TBCB: variants seen among roughly 807,000 people sequenced by gnomAD.
TBCB encodes tubulin folding cofactor B, also known as tubulin-folding cofactor B.
Under a neutral mutation model 29.2 loss-of-function variants are expected in TBCB, and 18 were observed. The observed-to-expected ratio is 0.62, with a 90% confidence interval of 0.43 to 0.91. The LOEUF is 0.91. TBCB is among the 40% of genes least tolerant of loss of function. The pLI is 0.00. For missense variants in TBCB, 336 were observed against 337.6 expected, an observed-to-expected ratio of 1.00 and a Z score of 0.04; for synonymous variants, 172 against 137.8, an observed-to-expected ratio of 1.25 and a Z score of -1.74.
At chr19:36,117,768 A>T (rs948571955) in intron 2 of TBCB, 4 of 151,436 alleles carry the variant, frequency 2.6e-5, no homozygotes, top group East Asian at 3.9e-4. Context: ...TTATTTATTT[A>T]TTTTTTATTT....
intron 3 of TBCB, 54 bp downstream of exon 3, chr19:36,120,860 G>T: frequency 6.4e-7 from 1 of 1,573,184 alleles, no homozygotes; most frequent in Non-Finnish European, 8.7e-7. Context: ...AGTATGTGCA[G>T]GTATGAGGGC....
Position 36,116,107 on chromosome 19 carries a change from G to A in TBCB, c.181G>A (p.Asp61Asn), listed in dbSNP as rs370138891. ...CMELELYGVDDKFYSKLDQED... is the reference protein window; with the variant it reads ...CMELELYGVDNKFYSKLDQED... ...GGAACTGGAGCTGTATGGAGTTGAC[G>A]ACAAGTTCTACAGCAAGCTGGATCA... Residue 61 changes from aspartate to asparagine, a missense_variant, in exon 2 of 6, where the codon GAC (aspartate) becomes AAC (asparagine). By Grantham distance (23) the Asp-to-Asn change is conservative. Transcript: ENST00000221855. The A allele has an allele frequency of 6.8e-6, 11 of 1,614,028 alleles. No individual in the cohort carries two copies. The highest frequency in any genetic ancestry group is 2.7e-5 in the African/African-American group (2 of 74,910).
chr19:36,119,749 C>T (rs546206464), intron 2 of TBCB, among the ~76,000 whole-genome samples: 49 of 152,138 alleles, frequency 3.2e-4, no homozygotes, highest in African/African-American at 8.4e-4. Flanking sequence ...AAAAATTAGC[C>T]GGGTGTGGTG....
rs1211671121 is a variant in TBCB, at chr19:36,115,529, C to G, written c.-32C>G. The G allele has an allele frequency of 1.9e-6, 3 of 1,542,176 alleles. No homozygotes were observed. Among genetic ancestry groups the G allele is most frequent in the Non-Finnish European group, 2.6e-6 (3 of 1,135,074 alleles). ...GCGGAGCGGGTGTGAGGCGGCTGGA[C>G]CGCGCTGCAGGCATCCGCAGGGCGC... On this transcript the variant is annotated 5_prime_UTR_variant, in exon 1 of 6. Coordinates refer to ENST00000221855, the MANE Select transcript of TBCB (RefSeq NM_001281.3).
In TBCB at chr19:36,115,480, G is replaced by C; in HGVS notation, c.-81G>C. The C allele has an allele frequency of 1.8e-6, 2 of 1,084,122 alleles. No homozygotes were observed. Among genetic ancestry groups the C allele is most frequent in the Non-Finnish European group, 2.7e-6 (2 of 736,868 alleles). 67.2% of individuals were successfully genotyped at this position (1,084,122 alleles called of 1,614,324 possible). A position where few individuals can be genotyped will look rare whatever the true frequency, so the allele number is the denominator to read the frequency against. On this transcript the variant is annotated 5_prime_UTR_variant, in exon 1 of 6. Coordinates refer to ENST00000221855, the MANE Select transcript of TBCB (RefSeq NM_001281.3). ...AGCAGGAGGCGGGGCTGATAGCCCA[G>C]CAGCAGCAGCGGCGGCGGCGGCTGC...
At chr19:36,122,092 G>A (rs79831274) in intron 4 of TBCB, 11,381 of 318,624 alleles carry the variant, frequency 0.036, 294 homozygotes, top group Middle Eastern at 0.084. Context: ...GCACCTGGAG[G>A]CTGGGAGCAT....
chr19:36,114,985 C>G (rs1973918355), upstream of TBCB: 2 of 924,356 alleles, frequency 2.2e-6, no homozygotes, highest in East Asian at 5.0e-5. This position sits in a 1 kb window ranked among gnomAD's most constrained non-coding sequence, Gnocchi z 4.5. Context: ...GCTGGCTCCC[C>G]GCCGCCTCGG....
At chr19:36,115,776 G>C in intron 1 of TBCB, 102 bp downstream of exon 1, 3 of 1,247,448 alleles carry the variant, frequency 2.4e-6, no homozygotes, top group Non-Finnish European at 3.4e-6. Context: ...GGGCGGGCCC[G>C]GAGGTGATCC....
At chr19:36,116,544 G>C in intron 2 of TBCB, 1 of 194,514 alleles carries the variant, frequency 5.1e-6, no homozygotes, top group Non-Finnish European at 1.1e-5. Context: ...TAGAATGTGA[G>C]GTAGGTCACA....
At chr19:36,121,770 G>A in intron 4 of TBCB, 52 bp downstream of exon 4, 1 of 1,546,204 alleles carries the variant, frequency 6.5e-7, no homozygotes, top group Non-Finnish European at 8.7e-7. Flanking sequence ...AGGCCGGGAG[G>A]AAATGTTGGG....
chr19:36,121,806 G>A, intron 4 of TBCB, 88 bp downstream of exon 4: 1 of 1,502,880 alleles, frequency 6.7e-7, no homozygotes, highest in Non-Finnish European at 9.0e-7. Flanking sequence ...CGGAGACCAC[G>A]CTCTGCCTAG....
rs1413461840 is a variant in TBCB at position 36,121,757 on chromosome 19, C to T, written c.547+39C>T. ...GGGCCCGGTCCCGGGCTCCAGGGCT[C>T]CAAGGCCGGGAGGAAATGTTGGGGG... On this transcript the variant is annotated intron_variant, in intron 4 of 5. Transcript: ENST00000221855. 5.2e-6 allele frequency: 8 copies of T among 1,547,986 alleles called. No homozygotes were observed. The South Asian group carries it at 7.2e-5, about 14-fold the overall frequency.
chr19:36,120,576 A>C, intron 2 of TBCB, 134 bp from the exon 3 acceptor site: 1 of 687,096 alleles, frequency 1.5e-6, no homozygotes, highest in Non-Finnish European at 2.5e-6. Context: ...GGCTCAGGAG[A>C]GAAGAGAAGG....
intron 1 of TBCB, 60 bp from the exon 2 acceptor site, chr19:36,115,981 T>C: frequency 6.3e-7 from 1 of 1,583,174 alleles, no homozygotes; most frequent in Non-Finnish European, 8.6e-7. Context: ...GCGATGGTCA[T>C]TGATGCAAGG....
At chr19:36,117,343 TTTTTG>T (rs1295698379) in intron 2 of TBCB, among the ~76,000 whole-genome samples, 3 of 151,984 alleles carry the variant, frequency 2.0e-5, no homozygotes, top group African/African-American at 4.8e-5. Flanking sequence ...CGTGAATCGT[TTTTTG>T]TTTTGTTTTG....
intron 2 of TBCB, among the ~76,000 whole-genome samples, chr19:36,117,221 T>C (rs1973970645): frequency 6.6e-6 from 1 of 152,242 alleles, no homozygotes. Context: ...TCTGGTTTAT[T>C]TACTCTCTGT....
At chr19:36,115,375 C>T, upstream of TBCB, 1 of 595,274 alleles carries the variant, frequency 1.7e-6, no homozygotes, top group East Asian at 2.9e-5. Flanking sequence ...GTAAGGAGAG[C>T]CCTCTTCCTG....
At chr19:36,115,206 G>A (rs1973924158), upstream of TBCB, 4 of 541,188 alleles carry the variant, frequency 7.4e-6, no homozygotes, top group Non-Finnish European at 6.5e-6. Flanking sequence ...GAAGGCCAGT[G>A]CGCATGCGCG....
At chr19:36,116,399 C>A (rs1315804697) in intron 2 of TBCB, 1 of 517,368 alleles carries the variant, frequency 1.9e-6, no homozygotes, top group Non-Finnish European at 3.3e-6. Flanking sequence ...CTGGAGCCAC[C>A]AAGAAGAGGT....
Sources: gnomAD v4.1 joint callset for allele counts (sites outside exome capture counted in the v4.1 genomes callset) on GRCh38, gnomAD v4.1.1 for gene constraint, Gnocchi (gnomAD v3.1) non-coding constraint, MANE v1.5 for transcripts, NCBI Gene and HGNC (gene_info 2026-07-23, HGNC 2026-07-21) for gene names.